GTF2F1: variants seen among roughly 807,000 people sequenced by gnomAD.
GTF2F1 encodes the protein general transcription factor IIF 74 kDa subunit.
Under a neutral mutation model 63.5 loss-of-function variants are expected in GTF2F1, and 39 were observed. The ratio of observed to expected loss-of-function variants is 0.61; its 90% CI spans 0.48 to 0.80. The LOEUF is 0.80. Ranked by LOEUF, GTF2F1 falls within the 30% of genes least tolerant of loss-of-function variation. The pLI, the probability that GTF2F1 is intolerant of heterozygous loss-of-function variation, is 0.00. For synonymous variants in GTF2F1, 287 were observed against 285.3 expected, an observed-to-expected ratio of 1.01 and a Z score of -0.06; for missense variants, 657 against 718.3, an observed-to-expected ratio of 0.91 and a Z score of 0.97.
intron 6 of GTF2F1, among the ~76,000 whole-genome samples, chr19:6,382,379 C>T (rs922494729): frequency 6.6e-6 from 1 of 152,166 alleles, no homozygotes; most frequent in Non-Finnish European, 1.5e-5. Context: ...CGCCTGTAAT[C>T]CCAGCACTTT....
intron 2 of GTF2F1, chr19:6,392,267 C>A (rs1417448034): frequency 4.0e-6 from 2 of 506,180 alleles, no homozygotes; most frequent in Non-Finnish European, 7.7e-6. Flanking sequence ...GATTCCCAGT[C>A]TGCCAGAGAA....
intron 6 of GTF2F1, among the ~76,000 whole-genome samples, chr19:6,382,260 G>A (rs1343435333): frequency 1.3e-5 from 2 of 152,130 alleles, no homozygotes; most frequent in Non-Finnish European, 2.9e-5. Flanking sequence ...GCAGGCTGAG[G>A]CGGGAGGATG....
At position 6,379,728 on chromosome 19, in the gene GTF2F1, C is replaced by T. The variant is rs1349498150; in HGVS notation, c.*553G>A. The T allele has an allele frequency of 6.6e-6, 1 of 151,004 alleles. No individual in the cohort carries two copies. The highest frequency in any genetic ancestry group is 2.9e-5 in the African/African-American group (1 of 35,056). The allele number at this position is 151,004 out of a possible 1,614,324, so 9.4% of individuals were successfully genotyped here. On this transcript the variant is annotated 3_prime_UTR_variant, in exon 13 of 13. Transcript: ENST00000394456. ...CAGCTGGGACAACAGGCTCCCGCCA[C>T]CATGCCTGGCTACTTTTTTTTTTTT...
At chr19:6,391,816 C>T (rs1051407218) in intron 3 of GTF2F1, 86 bp downstream of exon 3, 53 of 675,370 alleles carry the variant, frequency 7.8e-5, no homozygotes, top group Non-Finnish European at 1.8e-5. Context: ...GTGACTATGA[C>T]AGTTAAGCAA....
Position 6,382,963 on chromosome 19 carries a change from G to A in GTF2F1, c.682+348C>T, listed in dbSNP as rs145632745. Among the ~76,000 whole-genome samples the A allele has an allele frequency of 4.8e-3, 734 of 152,162 alleles. 7 individuals are homozygous for A. Among genetic ancestry groups the A allele is most frequent in the African/African-American group, 0.017 (704 of 41,526 alleles). ...GTTGCCCAGGCTGGAGTCCAGTGGC[G>A]TGATCTCGGCTCAACACAACCTCTA... On this transcript the variant is annotated intron_variant, in intron 6 of 12. Coordinates refer to ENST00000394456, the MANE Select transcript of GTF2F1 (RefSeq NM_002096.3).
At position 6,380,488 on chromosome 19, in the gene GTF2F1, G is replaced by A. The variant is rs200973251; in HGVS notation, c.1350-3C>T. The A allele has an allele frequency of 3.7e-6, 6 of 1,613,982 alleles. No homozygotes were observed. In the Admixed American group the frequency reaches 8.3e-5, roughly 22 times the overall value. On this transcript the variant is annotated splice_polypyrimidine_tract_variant and splice_region_variant and intron_variant, in intron 12 of 12. Transcript: ENST00000394456. The surrounding 1 kb of genome is among the most constrained non-coding windows in gnomAD (Gnocchi z 5.3). Reference sequence around the variant, plus strand: ...CATCCTCAGTCACCTGCACGTCGCTGAGGATGGGAGGACGGGGAAGGTGGC... The same window carrying A: ...CATCCTCAGTCACCTGCACGTCGCTAAGGATGGGAGGACGGGGAAGGTGGC...
In GTF2F1 at chr19:6,380,173, A is replaced by C; in HGVS notation, c.*108T>G. 1.1e-6 allele frequency: 1 copy of C among 947,728 alleles called. No individual in the cohort carries two copies. The highest frequency in any genetic ancestry group is 2.4e-4 in the Middle Eastern group (1 of 4,194). 58.7% of individuals were successfully genotyped at this position (947,728 alleles called of 1,614,324 possible). ...TGTCGAAGGGTCACTGAGAGCCTGA[A>C]GTTCTGGAGGGCAGAGCCATGTATT... On this transcript the variant is annotated 3_prime_UTR_variant, in exon 13 of 13. Transcript: ENST00000394456. This position sits in a 1 kb window ranked among gnomAD's most constrained non-coding sequence, Gnocchi z 5.3.
Position 6,389,490 on chromosome 19 carries a change from C to T in GTF2F1, c.280G>A (p.Glu94Lys), listed in dbSNP as rs749319314. 3 of 1,614,034 alleles carry T rather than the reference C, an allele frequency of 1.9e-6. No homozygotes were observed. Among genetic ancestry groups the T allele is most frequent in the Non-Finnish European group, 2.5e-6 (3 of 1,180,020 alleles). The change falls in exon 4 of 13, where the codon GAG becomes AAG. Residue 94 changes from glutamate to lysine, a missense_variant. Glu to Lys is a moderately conservative substitution (Grantham distance 56). Transcript: ENST00000394456. ...YGIVLKEFRPEDQPWLLRVNG... is the reference protein window; with the variant it reads ...YGIVLKEFRPKDQPWLLRVNG... ...ACCCGGAGCAGCCAGGGCTGGTCCT[C>T]GGGCCGGAACTCCTTGAGGACGATG...
Position 6,387,458 on chromosome 19 carries a change from C to G in GTF2F1, c.428G>C (p.Trp143Ser). 1 of 1,614,220 alleles carries G rather than the reference C, an allele frequency of 6.2e-7. No homozygotes were observed. The highest frequency in any genetic ancestry group is 1.1e-5 in the South Asian group (1 of 91,086). ...GAFEAFPVHN[W>S]YNFTPLARHR... ...CCGGGCCAGCGGTGTGAAATTGTAC[C>G]AGTTGTGCACGGGGAAGGCCTCGAA... Residue 143 changes from tryptophan (W) to serine (S), a missense_variant, in exon 5 of 13, where the codon TGG becomes TCG. By Grantham distance (177) the Trp-to-Ser change is radical. This residue lies in a region of GTF2F1 where 602 missense variants were observed against 625.6 expected (regional missense o/e 0.96). Coordinates refer to ENST00000394456, the MANE Select transcript of GTF2F1 (RefSeq NM_002096.3).
At position 6,387,640 on chromosome 19, in the gene GTF2F1, A is replaced by G. The variant is rs541198163; in HGVS notation, c.327-81T>C. 2.6e-6 allele frequency: 3 copies of G among 1,160,114 alleles called. No individual in the cohort carries two copies. The African/African-American group carries it at 4.5e-5, about 17-fold the overall frequency. The allele number at this position is 1,160,114 out of a possible 1,614,324, so 71.9% of individuals were successfully genotyped here. On this transcript the variant is annotated intron_variant, in intron 4 of 12. Coordinates refer to ENST00000394456, the MANE Select transcript of GTF2F1 (RefSeq NM_002096.3). Reference sequence around the variant, plus strand: ...TGTCCCCCCGGGGCCTGCCTCCTTTATGGCACTTGCCATAGGAGGAAGACC... The same window carrying G: ...TGTCCCCCCGGGGCCTGCCTCCTTTGTGGCACTTGCCATAGGAGGAAGACC...
chr19:6,390,734 G>A (rs1461983589), intron 3 of GTF2F1, among the ~76,000 whole-genome samples: 1 of 150,840 alleles, frequency 6.6e-6, no homozygotes, highest in East Asian at 1.9e-4. Flanking sequence ...ACAAAAATTA[G>A]CTAGGCGTGG....
chr19:6,387,705 C>G lies in GTF2F1; in HGVS notation c.327-146G>C, dbSNP rs563646482. ...AGGCCTGGGCAGGCCCTTCAACCAC[C>G]TGGGCCTCGTCAATTTCCACATCTG... is the stretch of plus-strand genomic sequence containing the variant. On this transcript the variant is annotated intron_variant, in intron 4 of 12. Transcript: ENST00000394456. The G allele has an allele frequency of 1.1e-5, 7 of 640,716 alleles. 1 individual carries two copies. Among genetic ancestry groups the G allele is most frequent in the Non-Finnish European group, 1.9e-5 (7 of 372,298 alleles). 39.7% of individuals were successfully genotyped at this position (640,716 alleles called of 1,614,324 possible). A position where few individuals can be genotyped will look rare whatever the true frequency, so the allele number is the denominator to read the frequency against.
rs1279331347 is a variant in GTF2F1 at position 6,381,318 on chromosome 19, C to A, written c.1018+41G>T. Reference sequence around the variant, plus strand: ...GGGAGGAGGTGGCAGGGCGCCAGGGCCCGACCCAAGCCTCCAATATGGGGG... The same window carrying A: ...GGGAGGAGGTGGCAGGGCGCCAGGGACCGACCCAAGCCTCCAATATGGGGG... On this transcript the variant is annotated intron_variant, in intron 9 of 12. Coordinates refer to ENST00000394456, the MANE Select transcript of GTF2F1 (RefSeq NM_002096.3). This position sits in a 1 kb window ranked among gnomAD's most constrained non-coding sequence, Gnocchi z 4.1. The A allele has an allele frequency of 1.3e-6, 2 of 1,546,166 alleles. No individual in the cohort carries two copies. Among genetic ancestry groups the A allele is most frequent in the East Asian group, 2.4e-5 (1 of 41,484 alleles).
In GTF2F1 at chr19:6,390,484, T is replaced by C. The variant is rs552731806; in HGVS notation, c.133-847A>G. The C allele has an allele frequency of 3.5e-5, 5 of 142,288 alleles. No homozygotes were observed. The East Asian group carries it at 1.0e-3, about 29-fold the overall frequency. The allele number at this position is 142,288 out of a possible 1,614,324, so 8.8% of individuals were successfully genotyped here. On this transcript the variant is annotated intron_variant, in intron 3 of 12. Transcript: ENST00000394456. ...ATGGCGTGAACCCGGGAGGCGGAGC[T>C]TGCAGTGAGCCGAGATCCTGGCGCT...
At position 6,387,392 on chromosome 19, in the gene GTF2F1, T is replaced by C; in HGVS notation, c.494A>G (p.Glu165Gly). The C allele has an allele frequency of 6.2e-7, 1 of 1,613,934 alleles. No individual in the cohort carries two copies. Among genetic ancestry groups the C allele is most frequent in the East Asian group, 2.2e-5 (1 of 44,874 alleles). ...AGCCACCACCCAGCCCACTCACCTCTCCCACTCCTCCTCGGCCTCCTCGGC... is the reference window on the plus strand; with the variant it reads ...AGCCACCACCCAGCCCACTCACCTCCCCCACTCCTCCTCGGCCTCCTCGGC... ...LTAEEAEEEWERRNKVLNHFS... is the reference protein window; with the variant it reads ...LTAEEAEEEWGRRNKVLNHFS... The change falls in exon 5 of 13, where the codon GAG becomes GGG. Residue 165 changes from glutamate (E) to glycine (G), a missense_variant. Around this residue, in one of 2 missense-constraint regions of GTF2F1, gnomAD observed 602 missense variants for 625.6 expected, o/e 0.96. Coordinates refer to ENST00000394456, the MANE Select transcript of GTF2F1 (RefSeq NM_002096.3).
chr19:6,392,757 G>C, intron 2 of GTF2F1, 100 bp downstream of exon 2: 1 of 1,194,206 alleles, frequency 8.4e-7, no homozygotes, highest in Non-Finnish European at 1.3e-6. Flanking sequence ...GGTCTGGAGG[G>C]AGAACCACAG....
rs762618865 is a variant in GTF2F1, at chr19:6,381,577, G to T, written c.875C>A (p.Pro292Gln). 3.7e-6 allele frequency: 6 copies of T among 1,613,466 alleles called. No individual in the cohort carries two copies. Among genetic ancestry groups the T allele is most frequent in the Non-Finnish European group, 5.1e-6 (6 of 1,180,028 alleles). The part of the protein sequence containing the change: ...QEEPESKAKA[P>Q]QQEEGPKGVD... Reference sequence around the variant, plus strand: ...ACCCTTGGGCCCCTCCTCCTGCTGCGGCGCCTTGGCCTTGCTCTCAGGCTC... The same window carrying T: ...ACCCTTGGGCCCCTCCTCCTGCTGCTGCGCCTTGGCCTTGCTCTCAGGCTC... The change falls in exon 8 of 13, where the codon CCG (proline) becomes CAG (glutamine). Residue 292 changes from proline to glutamine, a missense_variant. Coordinates refer to ENST00000394456, the MANE Select transcript of GTF2F1 (RefSeq NM_002096.3). This position sits in a 1 kb window ranked among gnomAD's most constrained non-coding sequence, Gnocchi z 4.1.
intron 3 of GTF2F1, chr19:6,390,460 T>C (rs1213403012): frequency 1.4e-5 from 2 of 138,598 alleles, no homozygotes; most frequent in Non-Finnish European, 3.0e-5. Flanking sequence ...GGCAGGAGAA[T>C]GGCGTGAACC....
intron 6 of GTF2F1, among the ~76,000 whole-genome samples, chr19:6,382,799 CAAA>C (rs1159505037): frequency 6.1e-5 from 5 of 81,584 alleles, no homozygotes; most frequent in African/African-American, 4.1e-5. Flanking sequence ...GATCCTGTCT[CAAA>C]AAAAAAAAAA....
Sources: allele counts gnomAD v4.1 joint callset (sites outside exome capture counted in the v4.1 genomes callset), GRCh38; gene constraint gnomAD v4.1.1; regional missense constraint gnomAD v4.1.1; non-coding constraint Gnocchi (gnomAD v3.1); transcripts MANE v1.5; gene names NCBI Gene and HGNC (gene_info 2026-07-23, HGNC 2026-07-21).